Variants in IL1RAPL1 observed in about 807,000 individuals in gnomAD.
The protein encoded by IL1RAPL1 is interleukin-1 receptor accessory protein-like 1.
Under a neutral mutation model 48.4 loss-of-function variants are expected in IL1RAPL1, and 3 were observed. The ratio of observed to expected loss-of-function variants is 0.06; its 90% CI spans 0.03 to 0.16. The LOEUF (loss-of-function observed/expected upper bound fraction) is 0.16. Ranked by LOEUF, IL1RAPL1 falls within the 10% of genes least tolerant of loss-of-function variation. The pLI, the probability that IL1RAPL1 is intolerant of heterozygous loss-of-function variation, is 1.00. For synonymous variants in IL1RAPL1, 185 were observed against 187.7 expected, an observed-to-expected ratio of 0.99 and a Z score of 0.12; for missense variants, 349 against 530.6, an observed-to-expected ratio of 0.66 and a Z score of 3.36.
chrX:28,958,926 A>G (rs1924691406), intron 2 of IL1RAPL1, among the ~76,000 whole-genome samples: 1 of 111,974 alleles, frequency 8.9e-6, no homozygotes, highest in Admixed American at 9.5e-5. Flanking sequence ...TTAGATGGGA[A>G]TAAAATGTTT....
chrX:28,991,421 G>A (rs1284229984), intron 2 of IL1RAPL1, among the ~76,000 whole-genome samples: 1 of 111,239 alleles, frequency 9.0e-6, no homozygotes, highest in Non-Finnish European at 1.9e-5. Flanking sequence ...GGGGCTCTTT[G>A]TTCATCTGAC....
At chrX:28,595,493 A>AT (rs1933944376) in intron 1 of IL1RAPL1, among the ~76,000 whole-genome samples, 1 of 112,146 alleles carries the variant, frequency 8.9e-6, no homozygotes, top group South Asian at 3.7e-4. Flanking sequence ...TAAGGTGGAG[A>AT]CAGGGCTGTG....
chrX:29,377,357 A>C (rs1329500987), intron 3 of IL1RAPL1, among the ~76,000 whole-genome samples: 1 of 111,773 alleles, frequency 8.9e-6, no homozygotes, highest in East Asian at 2.8e-4. Flanking sequence ...GCCTATTTAC[A>C]TTCGGGGTTA....
chrX:28,971,798 C>T (rs1382726375), intron 2 of IL1RAPL1, among the ~76,000 whole-genome samples: 1 of 109,071 alleles, frequency 9.2e-6, no homozygotes, highest in Non-Finnish European at 1.9e-5. Context: ...GTGGACCCAT[C>T]TGTATTTGGG....
chrX:29,130,861 G>A (rs1219540283), intron 2 of IL1RAPL1, among the ~76,000 whole-genome samples: 2 of 112,293 alleles, frequency 1.8e-5, no homozygotes, highest in African/African-American at 3.2e-5. Context: ...GGCTAACCAT[G>A]TTTTAAAATA....
intron 2 of IL1RAPL1, among the ~76,000 whole-genome samples, chrX:29,229,787 G>A (rs1357243217): frequency 1.8e-5 from 2 of 112,074 alleles, no homozygotes. Context: ...TTTTTAATTA[G>A]CCACCCTTTC....
chrX:29,485,524 T>C lies in IL1RAPL1; in HGVS notation c.703+86216T>C, dbSNP rs930481608. Among the ~76,000 whole-genome samples, 4 of 111,240 alleles carry C rather than the reference T, an allele frequency of 3.6e-5. No homozygotes were observed. In the South Asian group the frequency reaches 1.5e-3, roughly 43 times the overall value. On this transcript the variant is annotated intron_variant, in intron 5 of 10. Transcript: ENST00000378993. ...CAAAGAGGATTCTGTCTTGGGTCTA[T>C]GTGATTTCAAGTACTGTGCTCCTTT...
chrX:29,857,061 A>G (rs1931490762), intron 6 of IL1RAPL1, among the ~76,000 whole-genome samples: 1 of 111,530 alleles, frequency 9.0e-6, no homozygotes, highest in Admixed American at 9.6e-5. Flanking sequence ...ACCATACTTG[A>G]ATCTGGAGCC....
At chrX:28,833,380 G>C (rs1424868503) in intron 2 of IL1RAPL1, among the ~76,000 whole-genome samples, 2 of 111,813 alleles carry the variant, frequency 1.8e-5, no homozygotes, top group Non-Finnish European at 3.8e-5. Flanking sequence ...TCTGTTTTAA[G>C]ATCTTTAAGA....
intron 5 of IL1RAPL1, among the ~76,000 whole-genome samples, chrX:29,640,383 A>G (rs1422400632): frequency 8.9e-6 from 1 of 111,983 alleles, no homozygotes. Context: ...TACTCTCTGC[A>G]ATGCTAATGA....
At chrX:28,783,705 T>C (rs1936445547) in intron 1 of IL1RAPL1, among the ~76,000 whole-genome samples, 1 of 111,811 alleles carries the variant, frequency 8.9e-6, no homozygotes, top group South Asian at 3.8e-4. Context: ...CTTTCTGTCC[T>C]ACTCTACCTG....
intron 6 of IL1RAPL1, among the ~76,000 whole-genome samples, chrX:29,864,787 G>T (rs1931657694): frequency 8.9e-6 from 1 of 112,115 alleles, no homozygotes; most frequent in Non-Finnish European, 1.9e-5. Flanking sequence ...AAAGAAATGT[G>T]TGACTTCATA....
chrX:29,481,449 A>G (rs1935041238), intron 5 of IL1RAPL1, among the ~76,000 whole-genome samples: 1 of 112,714 alleles, frequency 8.9e-6, no homozygotes, highest in South Asian at 3.7e-4. Context: ...ACACTTGAGG[A>G]CCAAGGCACT....
At chrX:29,042,597 A>G (rs774833944) in intron 2 of IL1RAPL1, among the ~76,000 whole-genome samples, 1 of 111,631 alleles carries the variant, frequency 9.0e-6, no homozygotes, top group Non-Finnish European at 1.9e-5. Flanking sequence ...CCTCATTGTA[A>G]GCGTAATTAT....
At chrX:29,597,696 A>G (rs1185342314) in intron 5 of IL1RAPL1, among the ~76,000 whole-genome samples, 3 of 111,920 alleles carry the variant, frequency 2.7e-5, no homozygotes, top group African/African-American at 9.7e-5. Context: ...TTCTTAAGTT[A>G]CATTTCAATC....
chrX:28,654,553 T>A (rs1254457547), intron 1 of IL1RAPL1, among the ~76,000 whole-genome samples: 5 of 112,244 alleles, frequency 4.5e-5, no homozygotes, highest in Admixed American at 9.5e-5. Context: ...CAAAAGCTAT[T>A]TGGAGGAAGA....
intron 1 of IL1RAPL1, among the ~76,000 whole-genome samples, chrX:28,770,752 C>T (rs993303639): frequency 1.8e-5 from 2 of 111,971 alleles, no homozygotes; most frequent in African/African-American, 6.5e-5. Context: ...TAAAGCTATC[C>T]TTTGTATGCA....
At chrX:29,256,632 C>T (rs765874933) in intron 2 of IL1RAPL1, among the ~76,000 whole-genome samples, 19 of 111,633 alleles carry the variant, frequency 1.7e-4, no homozygotes, top group African/African-American at 5.8e-4. Context: ...TTCAGTGACA[C>T]ATATTTCAGT....
chrX:28,896,590 G>A (rs1922925028), intron 2 of IL1RAPL1, among the ~76,000 whole-genome samples: 1 of 111,276 alleles, frequency 9.0e-6, no homozygotes, highest in Non-Finnish European at 1.9e-5. Flanking sequence ...GCTGGACCGG[G>A]TGTCAGGAGG....
Sources: gnomAD v4.1 joint callset for allele counts (sites outside exome capture counted in the v4.1 genomes callset) on GRCh38, gnomAD v4.1.1 for gene constraint, MANE v1.5 for transcripts, NCBI Gene and HGNC (gene_info 2026-07-23, HGNC 2026-07-21) for gene names.